The following GPM6A variants were observed in gnomAD, a reference collection of about 807,000 sequenced individuals.
GPM6A encodes the protein neuronal membrane glycoprotein M6-a.
In GPM6A, 7 loss-of-function variants were observed where a neutral mutation model predicts 32.1. The observed-to-expected ratio is 0.22, with a 90% CI of 0.12 to 0.41. The LOEUF (loss-of-function observed/expected upper bound fraction) is 0.41. Ranked by LOEUF, GPM6A falls within the 10% of genes least tolerant of loss-of-function variation. The pLI is 1.00. For synonymous variants in GPM6A, 130 were observed against 123.4 expected (o/e 1.05, Z -0.35); for missense variants, 235 against 347.2 (o/e 0.68, Z 2.57).
At chr4:175,653,231 T>G (rs1172700738) in intron 3 of GPM6A, among the ~76,000 whole-genome samples, 1 of 152,080 alleles carries the variant, frequency 6.6e-6, no homozygotes, top group African/African-American at 2.4e-5. Context: ...AACATAGAGT[T>G]TATTGGGATT....
chr4:175,637,714 T>TA (rs1740861294), intron 6 of GPM6A, among the ~76,000 whole-genome samples: 1 of 4,070 alleles, frequency 2.5e-4, no homozygotes, highest in Non-Finnish European at 6.8e-4. Flanking sequence ...ATTATATATA[T>TA]TTATATATAA....
chr4:175,826,999 G>T (rs1356558232), intron 1 of GPM6A, among the ~76,000 whole-genome samples: 1 of 152,100 alleles, frequency 6.6e-6, no homozygotes, highest in East Asian at 1.9e-4. Context: ...GACTTCACAA[G>T]GTGAAGTCAC....
upstream of GPM6A, among the ~76,000 whole-genome samples, chr4:175,815,851 A>G (rs1735083428): frequency 6.6e-6 from 1 of 151,100 alleles, no homozygotes; most frequent in Non-Finnish European, 1.5e-5. Flanking sequence ...CCAAGTATCG[A>G]GGATTACAGG....
chr4:175,765,717 A>G (rs541108331), intron 1 of GPM6A, among the ~76,000 whole-genome samples: 1 of 152,120 alleles, frequency 6.6e-6, no homozygotes, highest in African/African-American at 2.4e-5. Context: ...TAAAAACCCA[A>G]TCCTCGCTAT....
At chr4:175,963,236 A>C (rs571937988) in intron 1 of GPM6A, among the ~76,000 whole-genome samples, 2 of 152,286 alleles carry the variant, frequency 1.3e-5, no homozygotes, top group South Asian at 4.1e-4. Context: ...AACAGAAAAA[A>C]ATACTTGAAG....
At chr4:175,661,523 C>T (rs1185552592) in intron 3 of GPM6A, among the ~76,000 whole-genome samples, 1 of 151,790 alleles carries the variant, frequency 6.6e-6, no homozygotes, top group Non-Finnish European at 1.5e-5. Context: ...GAAGGCCATG[C>T]TAAAATGTAA....
chr4:175,849,505 G>A (rs989293445), intron 1 of GPM6A, among the ~76,000 whole-genome samples: 26 of 152,286 alleles, frequency 1.7e-4, no homozygotes, highest in African/African-American at 6.0e-4. Flanking sequence ...ATAATCCATG[G>A]ACATGTTAAG....
intron 1 of GPM6A, among the ~76,000 whole-genome samples, chr4:175,916,358 C>T (rs1035316292): frequency 6.6e-6 from 1 of 152,178 alleles, no homozygotes; most frequent in Non-Finnish European, 1.5e-5. Flanking sequence ...AAGGATCTAA[C>T]GTATACAAGC....
chr4:175,797,997 C>T (rs973489166), intron 1 of GPM6A, among the ~76,000 whole-genome samples: 1 of 152,090 alleles, frequency 6.6e-6, no homozygotes, highest in African/African-American at 2.4e-5. Context: ...ATGCAGATTC[C>T]TGGGCCCCAC....
intron 1 of GPM6A, among the ~76,000 whole-genome samples, chr4:175,806,343 G>A (rs1391100674): frequency 2.0e-5 from 3 of 152,276 alleles, no homozygotes; most frequent in South Asian, 4.1e-4. Context: ...TTCTCATTTA[G>A]TCTCTTTAAA....
At chr4:175,782,881 T>C (rs532672418) in intron 1 of GPM6A, among the ~76,000 whole-genome samples, 1 of 152,106 alleles carries the variant, frequency 6.6e-6, no homozygotes, top group African/African-American at 2.4e-5. Flanking sequence ...TTAAAATAAA[T>C]ATTTAAGATT....
chr4:175,648,173 T>C (rs528150160), intron 4 of GPM6A, among the ~76,000 whole-genome samples: 2 of 152,276 alleles, frequency 1.3e-5, no homozygotes, highest in South Asian at 4.1e-4. Flanking sequence ...ATAAGGTTTT[T>C]GACTTTGAGT....
chr4:175,813,437 A>G (rs543416017), upstream of GPM6A, among the ~76,000 whole-genome samples: 4 of 152,170 alleles, frequency 2.6e-5, no homozygotes, highest in Non-Finnish European at 4.4e-5. Context: ...ATCTCTTTCA[A>G]GGAGCATAAA....
intron 6 of GPM6A, among the ~76,000 whole-genome samples, chr4:175,637,681 ATATAATATATAATATATT>A (rs1740845660): frequency 1.4e-3 from 2 of 1,448 alleles, no homozygotes; most frequent in African/African-American, 4.1e-3. Flanking sequence ...TATAATATAT[ATATAATATATAATATATT>A]ATATATTATA....
At chr4:175,707,123 G>T (rs1279352579) in intron 1 of GPM6A, among the ~76,000 whole-genome samples, 4 of 152,192 alleles carry the variant, frequency 2.6e-5, no homozygotes, top group African/African-American at 9.7e-5. Context: ...GTAACAGTAA[G>T]AATCCTTGGT....
At chr4:175,771,075 G>T (rs560135992) in intron 1 of GPM6A, among the ~76,000 whole-genome samples, 2 of 152,248 alleles carry the variant, frequency 1.3e-5, no homozygotes, top group South Asian at 2.1e-4. Flanking sequence ...CGGGAAGAAT[G>T]GGGTATTTTA....
intron 1 of GPM6A, among the ~76,000 whole-genome samples, chr4:175,772,440 G>T (rs145778787): frequency 6.6e-6 from 1 of 152,110 alleles, no homozygotes; most frequent in African/African-American, 2.4e-5. Context: ...GAGCTCTGTC[G>T]CATCCTATGT....
At chr4:175,813,133 T>G, upstream of GPM6A, 1 of 938,236 alleles carries the variant, frequency 1.1e-6, no homozygotes, top group Non-Finnish European at 1.3e-6. Context: ...TGTTATTTAT[T>G]GTTATGATTA....
At chr4:175,890,748 G>A (rs1181261857) in intron 1 of GPM6A, among the ~76,000 whole-genome samples, 2 of 151,842 alleles carry the variant, frequency 1.3e-5, no homozygotes, top group Non-Finnish European at 2.9e-5. Flanking sequence ...TAGAGATGGG[G>A]TCTTGCTGTG....
Sources: allele counts gnomAD v4.1 joint callset (sites outside exome capture counted in the v4.1 genomes callset), GRCh38; gene constraint gnomAD v4.1.1; transcripts MANE v1.5; gene names NCBI Gene and HGNC (gene_info 2026-07-23, HGNC 2026-07-21).